AGBL1: variants seen among roughly 807,000 people sequenced by gnomAD.
AGBL1 encodes the protein cytosolic carboxypeptidase 4.
A neutral mutation model predicts 118.9 loss-of-function variants in AGBL1; 130 were observed. The ratio of observed to expected loss-of-function variants is 1.09; its 90% CI spans 0.95 to 1.26. The LOEUF (loss-of-function observed/expected upper bound fraction) is 1.26. AGBL1 is among the 50% of genes most tolerant of loss of function. The pLI is 0.00. For missense variants in AGBL1, 1,584 were observed against 1,298.1 expected (o/e 1.22, Z -3.38); for synonymous variants, 555 against 478.9 (o/e 1.16, Z -2.08).
intron 21 of AGBL1, among the ~76,000 whole-genome samples, chr15:86,621,352 T>C (rs1310853753): frequency 1.3e-5 from 2 of 152,228 alleles, no homozygotes; most frequent in Admixed American, 1.3e-4. Flanking sequence ...ATAAAGATAC[T>C]GTAACAAATT....
At chr15:86,809,079 T>C (rs774989686) in intron 22 of AGBL1, among the ~76,000 whole-genome samples, 1 of 152,118 alleles carries the variant, frequency 6.6e-6, no homozygotes, top group African/African-American at 2.4e-5. Flanking sequence ...ATGTACATTG[T>C]TTCATTCAAT....
intron 21 of AGBL1, among the ~76,000 whole-genome samples, chr15:86,594,808 C>T (rs561397725): frequency 6.6e-6 from 1 of 152,272 alleles, no homozygotes; most frequent in South Asian, 2.1e-4. Context: ...ACACACATGA[C>T]TATTTATCTG....
intron 22 of AGBL1, among the ~76,000 whole-genome samples, chr15:86,901,675 A>C (rs1004926840): frequency 5.3e-5 from 8 of 152,112 alleles, no homozygotes; most frequent in Admixed American, 5.2e-4. Context: ...GTTACATTTC[A>C]AACAATTTCA....
intron 22 of AGBL1, among the ~76,000 whole-genome samples, chr15:86,720,573 C>T (rs999998045): frequency 6.6e-6 from 1 of 152,148 alleles, no homozygotes; most frequent in Non-Finnish European, 1.5e-5. Flanking sequence ...AGTTCCTCAG[C>T]TTTTCATTGC....
intron 21 of AGBL1, among the ~76,000 whole-genome samples, chr15:86,557,414 T>A (rs2083750452): frequency 6.6e-6 from 1 of 152,170 alleles, no homozygotes. Flanking sequence ...AGGAGGAGGA[T>A]GTGAGTCCCT....
chr15:86,944,070 G>A (rs1240193651), intron 23 of AGBL1, among the ~76,000 whole-genome samples: 1 of 152,130 alleles, frequency 6.6e-6, no homozygotes, highest in Non-Finnish European at 1.5e-5. Flanking sequence ...GGAAGAGTAA[G>A]AGTCAGGTGA....
chr15:86,540,488 G>C (rs1430005963), intron 19 of AGBL1, among the ~76,000 whole-genome samples: 1 of 152,040 alleles, frequency 6.6e-6, no homozygotes, highest in Admixed American at 6.6e-5. Flanking sequence ...CTGGCTACTC[G>C]GAAGGCTGAG....
intron 23 of AGBL1, among the ~76,000 whole-genome samples, chr15:86,931,689 G>A (rs1293923142): frequency 1.3e-5 from 2 of 152,046 alleles, no homozygotes; most frequent in Admixed American, 6.5e-5. Context: ...TAAGGTATGT[G>A]TGTGGTGTGA....
At chr15:86,673,183 AAG>A (rs976214151) in intron 21 of AGBL1, among the ~76,000 whole-genome samples, 8 of 152,168 alleles carry the variant, frequency 5.3e-5, no homozygotes, top group African/African-American at 1.7e-4. Flanking sequence ...TCTTTATAGG[AAG>A]AGAGAAAGAT....
At chr15:87,004,163 G>A (rs925962242) in intron 24 of AGBL1, among the ~76,000 whole-genome samples, 7 of 152,140 alleles carry the variant, frequency 4.6e-5, no homozygotes, top group African/African-American at 1.7e-4. Flanking sequence ...CTGGTATGTT[G>A]TGTCTTTGTT....
intron 18 of AGBL1, among the ~76,000 whole-genome samples, chr15:86,463,048 C>T (rs201648100): frequency 1.3e-5 from 2 of 152,142 alleles, no homozygotes; most frequent in Non-Finnish European, 1.5e-5. Flanking sequence ...AATTTATACT[C>T]CCACCAACAG....
chr15:86,465,303 T>C (rs974345178), intron 18 of AGBL1, among the ~76,000 whole-genome samples: 1 of 152,198 alleles, frequency 6.6e-6, no homozygotes, highest in African/African-American at 2.4e-5. Context: ...CTCAATCCTG[T>C]CATCTTCATA....
At chr15:86,692,239 G>C (rs953586464) in intron 22 of AGBL1, among the ~76,000 whole-genome samples, 13 of 151,946 alleles carry the variant, frequency 8.6e-5, no homozygotes, top group Non-Finnish European at 1.6e-4. Flanking sequence ...TGCCAGAATT[G>C]TTCTCGAATC....
At chr15:86,104,197 A>T (rs1227171356) in intron 1 of AGBL1, among the ~76,000 whole-genome samples, 1 of 152,110 alleles carries the variant, frequency 6.6e-6, no homozygotes, top group Non-Finnish European at 1.5e-5. Flanking sequence ...GAGGATAAAG[A>T]TGGGCCAGGT....
At chr15:86,546,268 G>A (rs1354426524) in intron 20 of AGBL1, 135 bp downstream of exon 20, 2 of 1,067,806 alleles carry the variant, frequency 1.9e-6, no homozygotes, top group Non-Finnish European at 2.5e-6. Context: ...TCTAACCATA[G>A]GATTGTAATA....
chr15:86,439,109 G>A (rs546476037), intron 18 of AGBL1, among the ~76,000 whole-genome samples: 35 of 152,236 alleles, frequency 2.3e-4, no homozygotes, highest in Non-Finnish European at 4.0e-4. Context: ...TGAGGATGTC[G>A]TAATGGGGCA....
intron 18 of AGBL1, among the ~76,000 whole-genome samples, chr15:86,442,715 G>C (rs1036826221): frequency 3.9e-5 from 6 of 152,164 alleles, no homozygotes; most frequent in African/African-American, 1.4e-4. Flanking sequence ...TTATAGCTCT[G>C]GTGGATTATG....
intron 18 of AGBL1, among the ~76,000 whole-genome samples, chr15:86,401,754 G>T (rs2081448829): frequency 6.6e-6 from 1 of 152,050 alleles, no homozygotes; most frequent in African/African-American, 2.4e-5. Flanking sequence ...AGATCACTTG[G>T]CTGTTAAGTA....
At chr15:86,519,779 A>T (rs146170368) in intron 18 of AGBL1, among the ~76,000 whole-genome samples, 56 of 152,260 alleles carry the variant, frequency 3.7e-4, no homozygotes, top group African/African-American at 1.2e-3. Context: ...TCCAAAACAG[A>T]CAACAAACAA....
Sources: gnomAD v4.1 joint callset for allele counts (sites outside exome capture counted in the v4.1 genomes callset) on GRCh38, gnomAD v4.1.1 for gene constraint, MANE v1.5 for transcripts, NCBI Gene and HGNC (gene_info 2026-07-23, HGNC 2026-07-21) for gene names.